The following DCAF6 variants were observed in gnomAD, a reference collection of about 807,000 sequenced individuals.
The protein encoded by DCAF6 is DDB1 and CUL4 associated factor 6.
DCAF6 carries 54 observed loss-of-function variants against 125.1 expected under a neutral mutation model. The observed-to-expected ratio is 0.43, with a 90% CI of 0.35 to 0.54. DCAF6 has a LOEUF of 0.54. Ranked by LOEUF, DCAF6 falls within the 20% of genes least tolerant of loss-of-function variation. The pLI, the probability that DCAF6 is intolerant of heterozygous loss-of-function variation, is 0.01. For missense variants in DCAF6, 934 were observed against 1,161.7 expected (o/e 0.80, Z 2.85); for synonymous variants, 371 against 390.4 (o/e 0.95, Z 0.58).
At chr1:167,868,062 C>T in the DCAF6 span, among the ~76,000 whole-genome samples, 1 of 152,102 alleles carries the variant, frequency 6.6e-6, no homozygotes, top group Non-Finnish European at 1.5e-5. Flanking sequence ...AGAGTAAATA[C>T]CTTAGTAAAA....
the DCAF6 span, among the ~76,000 whole-genome samples, chr1:167,864,230 T>G: frequency 6.6e-6 from 1 of 152,228 alleles, no homozygotes; most frequent in Admixed American, 6.5e-5. Flanking sequence ...GGTGTGAGAG[T>G]GGTGTTTTGT....
chr1:167,995,715 A>T (rs1681569170), intron 7 of DCAF6, among the ~76,000 whole-genome samples: 1 of 152,208 alleles, frequency 6.6e-6, no homozygotes, highest in South Asian at 2.1e-4. Flanking sequence ...TAACAAACCA[A>T]ACAATTCAGA....
chr1:167,936,941 G>A lies in DCAF6; in HGVS notation c.30G>A (p.Leu10=). The A allele has an allele frequency of 6.2e-7, 1 of 1,609,900 alleles. No homozygotes were observed. Among genetic ancestry groups the A allele is most frequent in the Non-Finnish European group, 8.5e-7 (1 of 1,178,834 alleles). The change falls in exon 1 of 22, where the codon CTG becomes CTA. Residue 10 remains leucine (L), a synonymous_variant. Coordinates refer to ENST00000367840, the MANE Select transcript of DCAF6 (RefSeq NM_001198956.2). MSRGGSYPH[L]LWDVRKRSLG... is the part of the protein sequence containing the mutation. ...CTCGGGGTGGCTCCTACCCACACCT[G>A]TTGTGGGACGTGAGGAAAAGGTCCC... is the stretch of plus-strand genomic sequence containing the variant.
the DCAF6 span, among the ~76,000 whole-genome samples, chr1:167,906,329 G>A: frequency 1.1e-4 from 16 of 149,388 alleles, no homozygotes; most frequent in South Asian, 1.5e-3. Context: ...CAAATGTTAA[G>A]AAGTGAACAA....
In DCAF6 at chr1:167,936,847, G is replaced by A; in HGVS notation, c.-65G>A. 7.3e-7 allele frequency: 1 copy of A among 1,363,806 alleles called. No individual in the cohort carries two copies. The highest frequency in any genetic ancestry group is 2.5e-5 in the East Asian group (1 of 39,574). The allele number at this position is 1,363,806 out of a possible 1,614,324, so 84.5% of individuals were successfully genotyped here. A position where few individuals can be genotyped will look rare whatever the true frequency, so the allele number is the denominator to read the frequency against. On this transcript the variant is annotated 5_prime_UTR_variant, in exon 1 of 22. Coordinates refer to ENST00000367840, the MANE Select transcript of DCAF6 (RefSeq NM_001198956.2). The stretch of plus-strand genomic sequence containing the variant: ...GTGCGGCTCGGGTGTTGAAACGGGT[G>A]TCCCCTCCCCCTCCTCCCCTCCCCC...
the DCAF6 span, chr1:167,878,688 G>T: frequency 6.5e-7 from 1 of 1,547,620 alleles, no homozygotes. Flanking sequence ...GCATTGAACT[G>T]AATGTAATCT....
intron 21 of DCAF6, among the ~76,000 whole-genome samples, chr1:168,069,635 T>C (rs956962965): frequency 6.6e-6 from 1 of 152,026 alleles, no homozygotes; most frequent in Admixed American, 6.6e-5. Flanking sequence ...ATCTGAAAAA[T>C]TGAAAGAAGA....
chr1:167,886,339 C>T, the DCAF6 span, among the ~76,000 whole-genome samples: 17 of 151,970 alleles, frequency 1.1e-4, no homozygotes, highest in Non-Finnish European at 7.4e-5. Flanking sequence ...GGTACTGGTA[C>T]CAAAACAGAA....
chr1:168,036,259 T>C (rs567944742), intron 12 of DCAF6, among the ~76,000 whole-genome samples: 2 of 152,324 alleles, frequency 1.3e-5, no homozygotes, highest in South Asian at 4.1e-4. Flanking sequence ...TATCTATAAC[T>C]GTCTCTTAAA....
At chr1:168,045,336 G>C in intron 16 of DCAF6, 109 bp downstream of exon 16, 1 of 953,972 alleles carries the variant, frequency 1.0e-6, no homozygotes, top group Non-Finnish European at 1.5e-6. Flanking sequence ...TCCTCTAAGA[G>C]TGTCTCATTC....
the DCAF6 span, chr1:167,899,758 T>G: frequency 1.2e-6 from 1 of 846,620 alleles, no homozygotes; most frequent in Non-Finnish European, 1.9e-6. Context: ...TTCTAAAACT[T>G]TACATAGGAA....
chr1:167,975,202 G>T (rs564781398), intron 4 of DCAF6, among the ~76,000 whole-genome samples, 187 bp downstream of exon 4: 1 of 152,086 alleles, frequency 6.6e-6, no homozygotes, highest in Non-Finnish European at 1.5e-5. Flanking sequence ...ATAGGCTTCT[G>T]GATAAAGTTA....
At chr1:167,879,396 T>G in the DCAF6 span, among the ~76,000 whole-genome samples, 10,805 of 152,254 alleles carry the variant, frequency 0.071, 544 homozygotes, top group East Asian at 0.22. Context: ...TAACATAAAC[T>G]TGAATACTTC....
At chr1:167,952,564 A>G (rs1674130532) in intron 2 of DCAF6, among the ~76,000 whole-genome samples, 1 of 151,930 alleles carries the variant, frequency 6.6e-6, no homozygotes, top group Admixed American at 6.6e-5. Flanking sequence ...TGCTAACACC[A>G]TACTCTCTTG....
In DCAF6 at chr1:168,050,930, TG is replaced by T. The variant is rs1689835056; in HGVS notation, c.2298del (p.Met766IlefsTer28). 1.4e-6 allele frequency: 2 copies of T among 1,389,048 alleles called. No homozygotes were observed. Among genetic ancestry groups the T allele is most frequent in the Admixed American group, 5.1e-5 (2 of 39,454 alleles). 86.0% of individuals were successfully genotyped at this position (1,389,048 alleles called of 1,614,324 possible). Reference protein sequence around the residue: ...IRGTTIGDRIMRRSAVARIQE... With the variant: ...IRGTTIGDRIXRRSAVARIQE... ...GGAACAACAATAGGTGATAGAATAATGAGGTAATTCAGTATGTTCCTTCATA... is the reference window on the plus strand; with the variant it reads ...GGAACAACAATAGGTGATAGAATAATAGGTAATTCAGTATGTTCCTTCATA... On this transcript the variant is annotated frameshift_variant and splice_region_variant, in exon 17 of 22. Transcript: ENST00000367840. LOFTEE classifies it high-confidence loss of function.
the DCAF6 span, among the ~76,000 whole-genome samples, chr1:167,879,122 G>A: frequency 6.6e-6 from 1 of 152,210 alleles, no homozygotes; most frequent in Non-Finnish European, 1.5e-5. Context: ...GAGGATTGAA[G>A]CACAGGCTCT....
chr1:168,023,112 GCT>G (rs1156413284), intron 12 of DCAF6, 65 bp downstream of exon 12: 3 of 1,461,356 alleles, frequency 2.1e-6, no homozygotes, highest in Non-Finnish European at 2.9e-6. Flanking sequence ...CATATACTAA[GCT>G]CTCTCACACC....
chr1:167,912,622 C>T, the DCAF6 span, among the ~76,000 whole-genome samples: 6 of 152,232 alleles, frequency 3.9e-5, no homozygotes, highest in African/African-American at 4.8e-5. Context: ...TTCCCTCTCT[C>T]GGCTTTGGAG....
In DCAF6 at chr1:167,966,609, C is replaced by T. The variant is rs763951286; in HGVS notation, c.160-20C>T. The T allele has an allele frequency of 6.7e-7, 1 of 1,488,756 alleles. No homozygotes were observed. The highest frequency in any genetic ancestry group is 1.2e-5 in the South Asian group (1 of 85,332). The allele number at this position is 1,488,756 out of a possible 1,614,324, so 92.2% of individuals were successfully genotyped here. ...TTTTATGTCCAATTTGCTTATATTT[C>T]TTTTTTGCTTTCTCTTTAGGTTAAT... On this transcript the variant is annotated intron_variant, in intron 2 of 21. Coordinates refer to ENST00000367840, the MANE Select transcript of DCAF6 (RefSeq NM_001198956.2).
Sources: allele counts gnomAD v4.1 joint callset (sites outside exome capture counted in the v4.1 genomes callset), GRCh38; gene constraint gnomAD v4.1.1; transcripts MANE v1.5; gene names NCBI Gene and HGNC (gene_info 2026-07-23, HGNC 2026-07-21).